SLC24A3: variants seen among roughly 807,000 people sequenced by gnomAD.
The protein encoded by SLC24A3 is solute carrier family 24 member 3.
Under a neutral mutation model 75.8 loss-of-function variants are expected in SLC24A3, and 28 were observed. The observed-to-expected ratio is 0.37, with a 90% CI of 0.27 to 0.51. The LOEUF is 0.51. Ranked by LOEUF, SLC24A3 falls within the 20% of genes least tolerant of loss-of-function variation. The pLI is 0.94. For missense variants in SLC24A3, 663 were observed against 847.8 expected (o/e 0.78, Z 2.71); for synonymous variants, 372 against 334.1 (o/e 1.11, Z -1.24).
At chr20:19,351,333 A>G (rs180893180) in intron 2 of SLC24A3, among the ~76,000 whole-genome samples, 1 of 152,070 alleles carries the variant, frequency 6.6e-6, no homozygotes, top group Non-Finnish European at 1.5e-5. Flanking sequence ...TCTCTATTTC[A>G]CCTTCACATC....
chr20:19,473,292 T>C (rs1987905064), intron 2 of SLC24A3, among the ~76,000 whole-genome samples: 2 of 152,204 alleles, frequency 1.3e-5, no homozygotes, highest in Admixed American at 6.5e-5. Flanking sequence ...AAGATAGAGA[T>C]TATTTATTTA....
intron 3 of SLC24A3, among the ~76,000 whole-genome samples, chr20:19,516,740 C>T (rs2029999410): frequency 6.6e-6 from 1 of 152,210 alleles, no homozygotes; most frequent in Non-Finnish European, 1.5e-5. Context: ...GGGAGGGTGA[C>T]TTAGCCTTGA....
chr20:19,481,720 T>G (rs1342918338), intron 2 of SLC24A3, among the ~76,000 whole-genome samples: 1 of 152,074 alleles, frequency 6.6e-6, no homozygotes, highest in African/African-American at 2.4e-5. Flanking sequence ...GAAAGCCAGA[T>G]CAGCATTTCA....
chr20:19,368,976 G>A (rs1221229197), intron 2 of SLC24A3, among the ~76,000 whole-genome samples: 2 of 152,150 alleles, frequency 1.3e-5, no homozygotes, highest in Non-Finnish European at 1.5e-5. Flanking sequence ...AACAAGATGA[G>A]AAAATGTCTT....
chr20:19,356,845 C>G (rs779152800), intron 2 of SLC24A3, among the ~76,000 whole-genome samples: 1 of 130,058 alleles, frequency 7.7e-6, no homozygotes, highest in Non-Finnish European at 1.5e-5. Flanking sequence ...TATTCTCAGA[C>G]TTTGCATTAA....
chr20:19,235,958 A>G (rs1211001185), intron 1 of SLC24A3, among the ~76,000 whole-genome samples: 2 of 152,228 alleles, frequency 1.3e-5, no homozygotes, highest in African/African-American at 4.8e-5. Flanking sequence ...CAAACCCAAT[A>G]AAGAAATAGT....
At chr20:19,446,001 C>T (rs1219503359) in intron 2 of SLC24A3, among the ~76,000 whole-genome samples, 5 of 152,172 alleles carry the variant, frequency 3.3e-5, no homozygotes, top group Non-Finnish European at 7.3e-5. Flanking sequence ...CTTTAGGAAA[C>T]TGTTGTTACC....
chr20:19,520,804 G>T (rs2030085763), intron 3 of SLC24A3, among the ~76,000 whole-genome samples: 2 of 152,090 alleles, frequency 1.3e-5, no homozygotes, highest in African/African-American at 4.8e-5. Flanking sequence ...TGGGAATTGG[G>T]GAATCTCACT....
chr20:19,429,762 G>GT (rs1388053860), intron 2 of SLC24A3, among the ~76,000 whole-genome samples: 2 of 152,162 alleles, frequency 1.3e-5, no homozygotes, highest in East Asian at 3.9e-4. Flanking sequence ...GGTAGCAGGA[G>GT]TTCAGTTGTC....
At chr20:19,572,275 GT>G (rs2031064491) in intron 3 of SLC24A3, among the ~76,000 whole-genome samples, 1 of 152,198 alleles carries the variant, frequency 6.6e-6, no homozygotes, top group African/African-American at 2.4e-5. Flanking sequence ...GAGCTGAGAA[GT>G]TTGAGGCTAC....
At chr20:19,430,675 C>G (rs1208951699) in intron 2 of SLC24A3, among the ~76,000 whole-genome samples, 2 of 152,164 alleles carry the variant, frequency 1.3e-5, no homozygotes, top group African/African-American at 4.8e-5. Context: ...TACTCACACA[C>G]ACATACACAT....
At chr20:19,470,802 A>G (rs1987858042) in intron 2 of SLC24A3, among the ~76,000 whole-genome samples, 1 of 152,190 alleles carries the variant, frequency 6.6e-6, no homozygotes, top group Non-Finnish European at 1.5e-5. Flanking sequence ...CATGTTAGTG[A>G]TGTGAAACTC....
At chr20:19,380,769 A>T (rs773342300) in intron 2 of SLC24A3, among the ~76,000 whole-genome samples, 2 of 152,188 alleles carry the variant, frequency 1.3e-5, no homozygotes, top group South Asian at 2.1e-4. Flanking sequence ...TAAGAGGTAA[A>T]CTGATGTCCA....
At chr20:19,414,360 A>G (rs575755266) in intron 2 of SLC24A3, among the ~76,000 whole-genome samples, 2 of 152,236 alleles carry the variant, frequency 1.3e-5, no homozygotes, top group African/African-American at 4.8e-5. Flanking sequence ...GATATTAATA[A>G]CAGACATTTG....
rs566699433 is a variant in SLC24A3, at chr20:19,604,225, G to A, written c.612+18681G>A. On this transcript the variant is annotated intron_variant, in intron 6 of 16. Coordinates refer to ENST00000328041, the MANE Select transcript of SLC24A3 (RefSeq NM_020689.4). The stretch of plus-strand genomic sequence containing the variant: ...TCTGAAGAGAGTAAAATAGGGGGAC[G>A]TCAGGGCCTAGTGGGAGTGAGGGGC... 2.5e-4 allele frequency among the ~76,000 whole-genome samples: 38 copies of A among 151,780 alleles called. 1 individual carries two copies. In the South Asian group the frequency reaches 6.6e-3, roughly 27 times the overall value.
chr20:19,594,995 A>G (rs1363588458), intron 6 of SLC24A3, among the ~76,000 whole-genome samples: 2 of 152,188 alleles, frequency 1.3e-5, no homozygotes, highest in Non-Finnish European at 2.9e-5. Context: ...GATTTGGTGC[A>G]GTTTTGAACA....
chr20:19,518,387 C>T (rs2030036955), intron 3 of SLC24A3, among the ~76,000 whole-genome samples: 1 of 152,208 alleles, frequency 6.6e-6, no homozygotes, highest in South Asian at 2.1e-4. Flanking sequence ...TCAGCACCTG[C>T]CATGCACCAA....
intron 3 of SLC24A3, among the ~76,000 whole-genome samples, chr20:19,573,814 G>T (rs932340783): frequency 2.0e-5 from 3 of 152,148 alleles, no homozygotes; most frequent in Non-Finnish European, 4.4e-5. Flanking sequence ...ATCCAAGAAG[G>T]CCAGAAGAGT....
intron 6 of SLC24A3, among the ~76,000 whole-genome samples, chr20:19,623,326 C>T (rs2031828399): frequency 6.6e-6 from 1 of 152,138 alleles, no homozygotes; most frequent in Non-Finnish European, 1.5e-5. Flanking sequence ...ATGAATGGCT[C>T]TTGGCAGTTG....
Sources: gnomAD v4.1 joint callset for allele counts (sites outside exome capture counted in the v4.1 genomes callset) on GRCh38, gnomAD v4.1.1 for gene constraint, MANE v1.5 for transcripts, NCBI Gene and HGNC (gene_info 2026-07-23, HGNC 2026-07-21) for gene names.